The following E2F6 variants were observed in gnomAD, a reference collection of about 807,000 sequenced individuals.
E2F6 encodes transcription factor E2F6.
E2F6 carries 19 observed loss-of-function variants against 31.5 expected under a neutral mutation model. The ratio of observed to expected loss-of-function variants is 0.60; its 90% confidence interval spans 0.42 to 0.89. The LOEUF is 0.89. Ranked by LOEUF, E2F6 falls within the 40% of genes least tolerant of loss-of-function variation. The pLI is 0.00. For synonymous variants in E2F6, 121 were observed against 127.7 expected, an observed-to-expected ratio of 0.95 and a Z score of 0.36; for missense variants, 269 against 341.6, an observed-to-expected ratio of 0.79 and a Z score of 1.67.
In E2F6 at chr2:11,445,412, C is replaced by G. The variant is rs1368537580; in HGVS notation, c.*1065G>C. 1 of 152,610 alleles carries G rather than the reference C, an allele frequency of 6.6e-6. No homozygotes were observed. The highest frequency in any genetic ancestry group is 1.5e-5 in the Non-Finnish European group (1 of 68,038). 9.5% of individuals were successfully genotyped at this position (152,610 alleles called of 1,614,324 possible). A position where few individuals can be genotyped will look rare whatever the true frequency, so the allele number is the denominator to read the frequency against. On this transcript the variant is annotated 3_prime_UTR_variant, in exon 7 of 7. Coordinates refer to ENST00000381525, the MANE Select transcript of E2F6 (RefSeq NM_198256.4). ...GAGCTCACAGTCTAATGGTAAACTA[C>G]AGAGTAAACTGAGGCACAGAGTGGT...
At chr2:11,464,404 C>A (rs993077286) in intron 1 of E2F6, among the ~76,000 whole-genome samples, 43 of 150,704 alleles carry the variant, frequency 2.9e-4, no homozygotes, top group African/African-American at 1.1e-3. Flanking sequence ...GTAGTCCCAG[C>A]TACTCAGGAG....
At chr2:11,447,054 C>T (rs1670761508) in intron 6 of E2F6, among the ~76,000 whole-genome samples, 1 of 152,230 alleles carries the variant, frequency 6.6e-6, no homozygotes, top group Non-Finnish European at 1.5e-5. Context: ...CCAGGCCGGT[C>T]ACAGGATGCT....
intron 2 of E2F6, among the ~76,000 whole-genome samples, chr2:11,454,200 G>A (rs1057110227): frequency 6.6e-6 from 1 of 152,118 alleles, no homozygotes; most frequent in African/African-American, 2.4e-5. Flanking sequence ...TCTTTACAAA[G>A]CAAAGGCAGA....
chr2:11,456,376 T>G (rs546993085), intron 2 of E2F6, among the ~76,000 whole-genome samples: 1 of 152,172 alleles, frequency 6.6e-6, no homozygotes, highest in Non-Finnish European at 1.5e-5. Context: ...CCCAGCAACT[T>G]CAGCTACAGA....
intron 6 of E2F6, among the ~76,000 whole-genome samples, chr2:11,447,325 G>T (rs1292174808): frequency 1.3e-5 from 2 of 152,184 alleles, no homozygotes; most frequent in African/African-American, 4.8e-5. Flanking sequence ...GCCAGGTCAT[G>T]GGCAGGCTCT....
At chr2:11,465,524 GT>G (rs1474962267) in intron 1 of E2F6, among the ~76,000 whole-genome samples, 4 of 152,254 alleles carry the variant, frequency 2.6e-5, no homozygotes, top group Admixed American at 6.5e-5. Context: ...CTAATGCAAA[GT>G]TGAGCAATTT....
At chr2:11,452,594 AC>A (rs1044092109) in intron 3 of E2F6, among the ~76,000 whole-genome samples, 5 of 149,004 alleles carry the variant, frequency 3.4e-5, no homozygotes, top group African/African-American at 1.2e-4. Context: ...ACAGAGCAAG[AC>A]CCCGTCTCAA....
chr2:11,453,464 A>G, intron 3 of E2F6, 118 bp downstream of exon 3: 1 of 950,170 alleles, frequency 1.1e-6, no homozygotes, highest in Non-Finnish European at 1.6e-6. Flanking sequence ...TTCTCTTCTA[A>G]CAAGAAGTCG....
intron 2 of E2F6, among the ~76,000 whole-genome samples, chr2:11,456,558 G>T (rs1671416574): frequency 6.6e-6 from 1 of 152,178 alleles, no homozygotes; most frequent in African/African-American, 2.4e-5. Context: ...AAAGGTCATT[G>T]TGACAATCCA....
In E2F6 at chr2:11,465,941, C is replaced by G. The variant is rs1672183850; in HGVS notation, c.-62G>C. Reference sequence around the variant, plus strand: ...ACGAGCTCTCCCGCCCTCTCGCGCTCAGCTCGAGCACCGCCCCCCACGCGC... The same window carrying G: ...ACGAGCTCTCCCGCCCTCTCGCGCTGAGCTCGAGCACCGCCCCCCACGCGC... On this transcript the variant is annotated 5_prime_UTR_variant, in exon 1 of 7. Transcript: ENST00000381525. 6.7e-5 allele frequency: 94 copies of G among 1,400,998 alleles called. 1 individual carries two copies. In the South Asian group the frequency reaches 1.2e-3, roughly 18 times the overall value. The allele number at this position is 1,400,998 out of a possible 1,614,324, so 86.8% of individuals were successfully genotyped here. A position where few individuals can be genotyped will look rare whatever the true frequency, so the allele number is the denominator to read the frequency against.
At chr2:11,456,111 A>G (rs1671389083) in intron 2 of E2F6, among the ~76,000 whole-genome samples, 1 of 152,232 alleles carries the variant, frequency 6.6e-6, no homozygotes, top group African/African-American at 2.4e-5. Context: ...ACAGCCTACA[A>G]GGGCCTGGTC....
intron 1 of E2F6, among the ~76,000 whole-genome samples, chr2:11,457,993 C>T (rs1671518526): frequency 6.6e-6 from 1 of 152,198 alleles, no homozygotes; most frequent in African/African-American, 2.4e-5. Flanking sequence ...CACCATTTTA[C>T]CAGCTATTTA....
intron 2 of E2F6, among the ~76,000 whole-genome samples, chr2:11,454,752 G>A (rs143601239): frequency 1.0e-3 from 152 of 151,812 alleles, no homozygotes; most frequent in Non-Finnish European, 1.7e-3. Flanking sequence ...TATAATGACT[G>A]GGGTTTTCAT....
chr2:11,458,375 C>T lies in E2F6; in HGVS notation c.109-1142G>A, dbSNP rs1471044389. 4 of 1,551,066 alleles carry T rather than the reference C, an allele frequency of 2.6e-6. No individual in the cohort carries two copies. The African/African-American group carries it at 4.1e-5, about 16-fold the overall frequency. ...AACTGTGGGGAGAGAAGAAAAAAGA[C>T]AGGATTGTGGTACCGGAAATGAACA... On this transcript the variant is annotated intron_variant, in intron 1 of 6. Coordinates refer to ENST00000381525, the MANE Select transcript of E2F6 (RefSeq NM_198256.4).
At chr2:11,465,519 G>A (rs1258562255) in intron 1 of E2F6, among the ~76,000 whole-genome samples, 3 of 152,232 alleles carry the variant, frequency 2.0e-5, no homozygotes, top group Admixed American at 6.5e-5. Context: ...ACTCTCTAAT[G>A]CAAAGTTGAG....
intron 4 of E2F6, 152 bp downstream of exon 4, chr2:11,451,499 T>C (rs763506402): frequency 2.2e-5 from 15 of 688,418 alleles, no homozygotes; most frequent in Non-Finnish European, 3.3e-5. Context: ...TACAGCCATG[T>C]GTGCCACCAC....
At chr2:11,457,291 T>G in intron 1 of E2F6, 58 bp from the exon 2 acceptor site, 1 of 1,075,468 alleles carries the variant, frequency 9.3e-7, no homozygotes, top group African/African-American at 1.6e-5. Flanking sequence ...TGCAAACAAA[T>G]AGCATTTTAC....
chr2:11,456,922 T>C (rs1671442840), intron 2 of E2F6: 1 of 420,064 alleles, frequency 2.4e-6, no homozygotes, highest in South Asian at 2.7e-5. Flanking sequence ...AAGGAAAGAG[T>C]ACATTTCTCT....
intron 1 of E2F6, among the ~76,000 whole-genome samples, chr2:11,460,113 G>A (rs1290555918): frequency 1.3e-5 from 2 of 152,002 alleles, no homozygotes; most frequent in African/African-American, 4.8e-5. Context: ...ATACTTTATT[G>A]TGTAGCTTTG....
Sources: allele counts gnomAD v4.1 joint callset (sites outside exome capture counted in the v4.1 genomes callset), GRCh38; gene constraint gnomAD v4.1.1; transcripts MANE v1.5; gene names NCBI Gene and HGNC (gene_info 2026-07-23, HGNC 2026-07-21).